The following SH2B3 variants were observed in gnomAD, a reference collection of about 807,000 sequenced individuals.
The protein encoded by SH2B3 is SH2B adaptor protein 3.
SH2B3 carries 43 observed loss-of-function variants against 51.9 expected under a neutral mutation model. The ratio of observed to expected loss-of-function variants is 0.83; its 90% CI spans 0.65 to 1.07. SH2B3 has a LOEUF of 1.07. Ranked by LOEUF, SH2B3 falls within the 50% of genes least tolerant of loss-of-function variation. The pLI is 0.00. For missense variants in SH2B3, 952 were observed against 834.3 expected, an observed-to-expected ratio of 1.14 and a Z score of -1.74; for synonymous variants, 396 against 376.0, an observed-to-expected ratio of 1.05 and a Z score of -0.62.
chr12:111,429,036 G>GGAGGAGGAGGAA lies in SH2B3; in HGVS notation c.732+10171_732+10182dup, dbSNP rs1565977412. 6.7e-6 allele frequency among the ~76,000 whole-genome samples: 1 copy of GGAGGAGGAGGAA among 148,246 alleles called. No individual in the cohort carries two copies. Among genetic ancestry groups the GGAGGAGGAGGAA allele is most frequent in the Non-Finnish European group, 1.5e-5 (1 of 66,410 alleles). ...AGTGCGAGGAGGAGGAGGAGGAGGAGGAGGAGGAGGAAGAGGAGGAGGAGG... is the reference window on the plus strand; with the variant it reads ...AGTGCGAGGAGGAGGAGGAGGAGGAGGAGGAGGAGGAAGAGGAGGAGGAAGAGGAGGAGGAGG... On this transcript the variant is annotated intron_variant, in intron 2 of 7. Coordinates refer to ENST00000341259, the MANE Select transcript of SH2B3 (RefSeq NM_005475.3). This position sits in a 1 kb window ranked among gnomAD's most constrained non-coding sequence, Gnocchi z 4.4.
chr12:111,432,335 G>T (rs757510728), intron 2 of SH2B3, among the ~76,000 whole-genome samples: 3 of 151,948 alleles, frequency 2.0e-5, no homozygotes, highest in Non-Finnish European at 2.9e-5. Context: ...TACAGCCACC[G>T]CGCCCAGCCC....
intron 2 of SH2B3, among the ~76,000 whole-genome samples, chr12:111,442,615 CCCTGTGT>C (rs1390352344): frequency 1.3e-5 from 2 of 152,210 alleles, no homozygotes; most frequent in African/African-American, 4.8e-5. Flanking sequence ...TCAGATGCTG[CCCTGTGT>C]CCTGCCCTCC....
intron 1 of SH2B3, among the ~76,000 whole-genome samples, chr12:111,412,370 T>C (rs1342441569): frequency 6.6e-6 from 1 of 152,168 alleles, no homozygotes; most frequent in Non-Finnish European, 1.5e-5. Context: ...CGGAGCAGCC[T>C]GAGCAGCCGC....
chr12:111,427,224 A>G (rs1365240207), intron 2 of SH2B3, among the ~76,000 whole-genome samples: 1 of 152,006 alleles, frequency 6.6e-6, no homozygotes, highest in East Asian at 1.9e-4. Flanking sequence ...AGTCTCTACT[A>G]AAAATACAAA....
At chr12:111,420,074 T>A (rs1184817540) in intron 2 of SH2B3, among the ~76,000 whole-genome samples, 1 of 152,236 alleles carries the variant, frequency 6.6e-6, no homozygotes, top group Non-Finnish European at 1.5e-5. Context: ...TGACTCAGAC[T>A]GGCATTGACA....
chr12:111,446,655 A>C, intron 2 of SH2B3, 98 bp from the exon 3 acceptor site: 1 of 669,506 alleles, frequency 1.5e-6, no homozygotes, highest in South Asian at 2.0e-5. Flanking sequence ...TACTCTCTCT[A>C]AAAGGGGGAC....
chr12:111,448,291 A>G lies in SH2B3; in HGVS notation c.1717A>G (p.Thr573Ala). Reference sequence around the variant, plus strand: ...CCTGCGGGCCATAGACAATCAGTACACACCTCTCTGACCAGTGAGGAATTC... The same window carrying G: ...CCTGCGGGCCATAGACAATCAGTACGCACCTCTCTGACCAGTGAGGAATTC... The part of the protein sequence containing the change: ...SHLRAIDNQY[T>A]PL Residue 573 changes from threonine to alanine, a missense_variant, in exon 8 of 8, where the codon ACA becomes GCA. By Grantham distance (58) the Thr-to-Ala change is moderately conservative. Coordinates refer to ENST00000341259, the MANE Select transcript of SH2B3 (RefSeq NM_005475.3). 2 of 1,607,570 alleles carry G rather than the reference A, an allele frequency of 1.2e-6. No homozygotes were observed. The highest frequency in any genetic ancestry group is 1.7e-5 in the Admixed American group (1 of 59,796).
At position 111,409,503 on chromosome 12, in the gene SH2B3, G is replaced by A. The variant is rs559796672; in HGVS notation, c.-28+3226G>A. On this transcript the variant is annotated intron_variant, in intron 1 of 7. Coordinates refer to ENST00000341259, the MANE Select transcript of SH2B3 (RefSeq NM_005475.3). The surrounding 1 kb of genome is among the most constrained non-coding windows in gnomAD (Gnocchi z 4.0). ...GCAGACCGGAGACGCCTGCCTCGGC[G>A]AGTCCAGAGGTGCAGTGCTAGCTGC... Among the ~76,000 whole-genome samples, 8 of 152,318 alleles carry A rather than the reference G, an allele frequency of 5.3e-5. No homozygotes were observed. In the East Asian group the frequency reaches 7.7e-4, roughly 15 times the overall value.
chr12:111,434,992 C>T, intron 2 of SH2B3: 1 of 1,535,584 alleles, frequency 6.5e-7, no homozygotes, highest in Non-Finnish European at 8.7e-7. Context: ...GAAGCCCTTG[C>T]TCTCACCTCT....
rs1170508105 is a variant in SH2B3, at chr12:111,418,351, A to G, written c.206A>G (p.Asp69Gly). ...GAGCTGGTGTCGCTGCAGTTCACCG[A>G]CCTCTTCCAGCGCTACTTCTGCCGC... ...RAELVSLQFT[D>G]LFQRYFCREV... is the part of the protein sequence containing the mutation. Residue 69 changes from aspartate to glycine, a missense_variant, in exon 2 of 8, where the codon GAC becomes GGC. Asp to Gly is a moderately conservative substitution (Grantham distance 94). Coordinates refer to ENST00000341259, the MANE Select transcript of SH2B3 (RefSeq NM_005475.3). The surrounding 1 kb of genome is among the most constrained non-coding windows in gnomAD (Gnocchi z 6.7). 9 of 1,522,242 alleles carry G rather than the reference A, an allele frequency of 5.9e-6. No homozygotes were observed. Among genetic ancestry groups the G allele is most frequent in the Non-Finnish European group, 7.9e-6 (9 of 1,140,680 alleles). The allele number at this position is 1,522,242 out of a possible 1,614,324, so 94.3% of individuals were successfully genotyped here.
chr12:111,418,607 G>A lies in SH2B3; in HGVS notation c.462G>A (p.Leu154=). ...HIFRRRSAGE[L]PAAHTAAAPG... is the part of the protein sequence containing the mutation. ...TCCGCCGCCGCTCGGCCGGGGAGCT[G>A]CCAGCGGCCCACACCGCTGCCGCCC... The change falls in exon 2 of 8, where the codon CTG becomes CTA. Residue 154 remains leucine, a synonymous_variant. Transcript: ENST00000341259. This position sits in a 1 kb window ranked among gnomAD's most constrained non-coding sequence, Gnocchi z 6.7. The A allele has an allele frequency of 1.3e-6, 2 of 1,490,746 alleles. No homozygotes were observed. Among genetic ancestry groups the A allele is most frequent in the South Asian group, 1.2e-5 (1 of 80,068 alleles). The allele number at this position is 1,490,746 out of a possible 1,614,324, so 92.3% of individuals were successfully genotyped here.
At chr12:111,431,940 C>T (rs1872525390) in intron 2 of SH2B3, among the ~76,000 whole-genome samples, 1 of 152,182 alleles carries the variant, frequency 6.6e-6, no homozygotes, top group Admixed American at 6.5e-5. Flanking sequence ...GCCTCCGCCT[C>T]CAAATTCCAA....
chr12:111,425,038 AG>A (rs1462938200), intron 2 of SH2B3, among the ~76,000 whole-genome samples: 3 of 151,982 alleles, frequency 2.0e-5, no homozygotes, highest in African/African-American at 7.2e-5. Flanking sequence ...AGCCAAGAGA[AG>A]GCAGCTGCCC....
At chr12:111,420,228 C>T (rs1014060594) in intron 2 of SH2B3, among the ~76,000 whole-genome samples, 2 of 151,948 alleles carry the variant, frequency 1.3e-5, no homozygotes, top group Non-Finnish European at 2.9e-5. Context: ...ATTAGCTGGG[C>T]GTGGTGGTGT....
Position 111,418,937 on chromosome 12 carries a change from G to T in SH2B3, c.732+60G>T. ...ACTGCGCCCTTCGCCTTCACCCTGG[G>T]GAGAGCGCGGGCTGGGGAGGTGTGA... On this transcript the variant is annotated intron_variant, in intron 2 of 7. Coordinates refer to ENST00000341259, the MANE Select transcript of SH2B3 (RefSeq NM_005475.3). The surrounding 1 kb of genome is among the most constrained non-coding windows in gnomAD (Gnocchi z 6.7). 1 of 1,337,060 alleles carries T rather than the reference G, an allele frequency of 7.5e-7. No homozygotes were observed. Among genetic ancestry groups the T allele is most frequent in the South Asian group, 1.8e-5 (1 of 56,098 alleles). The allele number at this position is 1,337,060 out of a possible 1,614,324, so 82.8% of individuals were successfully genotyped here.
chr12:111,435,322 G>A lies in SH2B3; in HGVS notation c.733-11431G>A, dbSNP rs12372668. 5.9e-5 allele frequency among the ~76,000 whole-genome samples: 9 copies of A among 152,254 alleles called. No homozygotes were observed. In the East Asian group the frequency reaches 9.7e-4, roughly 16 times the overall value. On this transcript the variant is annotated intron_variant, in intron 2 of 7. Coordinates refer to ENST00000341259, the MANE Select transcript of SH2B3 (RefSeq NM_005475.3). This position sits in a 1 kb window ranked among gnomAD's most constrained non-coding sequence, Gnocchi z 4.8. ...AGCCCTGGGGCCCCATGATACCCTC[G>A]GTGATCGTCACAGATGCGGGGCCTG...
At chr12:111,431,806 T>G (rs2135573584) in intron 2 of SH2B3, among the ~76,000 whole-genome samples, 1 of 152,322 alleles carries the variant, frequency 6.6e-6, no homozygotes, top group Non-Finnish European at 1.5e-5. Context: ...AAACTCTCAC[T>G]ATGTTGCCTA....
In SH2B3 at chr12:111,447,971, C is replaced by G; in HGVS notation, c.1409-12C>G. ...GACTGATGGTGTGGTCTCTCTTGGT[C>G]ACTTGTCCTAGGTTCCTGCAACACG... On this transcript the variant is annotated splice_polypyrimidine_tract_variant and intron_variant, in intron 7 of 7. Transcript: ENST00000341259. 6.3e-7 allele frequency: 1 copy of G among 1,594,214 alleles called. No individual in the cohort carries two copies. The highest frequency in any genetic ancestry group is 8.6e-7 in the Non-Finnish European group (1 of 1,167,252).
chr12:111,421,060 A>G (rs1228985575), intron 2 of SH2B3, among the ~76,000 whole-genome samples: 1 of 152,110 alleles, frequency 6.6e-6, no homozygotes, highest in Non-Finnish European at 1.5e-5. Flanking sequence ...CCCCATACAT[A>G]CCACCTCTTA....
Sources: allele counts gnomAD v4.1 joint callset (sites outside exome capture counted in the v4.1 genomes callset), GRCh38; gene constraint gnomAD v4.1.1; non-coding constraint Gnocchi (gnomAD v3.1); transcripts MANE v1.5; gene names NCBI Gene and HGNC (gene_info 2026-07-23, HGNC 2026-07-21).